PCDHGB1: variants seen among roughly 807,000 people sequenced by gnomAD.
PCDHGB1 encodes the protein protocadherin gamma-B1.
PCDHGB1 carries 34 observed loss-of-function variants against 56.6 expected under a neutral mutation model. The ratio of observed to expected loss-of-function variants is 0.60; its 90% CI spans 0.46 to 0.80. The LOEUF is 0.80. PCDHGB1 is among the 30% of genes least tolerant of loss of function. PCDHGB1 has a pLI of 0.00. For missense variants in PCDHGB1, 1,278 were observed against 1,204.6 expected (o/e 1.06, Z -0.90); for synonymous variants, 561 against 505.9 (o/e 1.11, Z -1.46).
Position 141,383,564 on chromosome 5 carries a change from G to A in PCDHGB1, c.2409+30895G>A, listed in dbSNP as rs767546411. On this transcript the variant is annotated intron_variant, in intron 1 of 3. Coordinates refer to ENST00000523390, the MANE Select transcript of PCDHGB1 (RefSeq NM_018922.3). ...GCCTCTGATGGCGGCGACCCGCCCC[G>A]ATCCAGCACCGCCCACATCCAGGTG... 6.2e-6 allele frequency: 10 copies of A among 1,612,926 alleles called. No homozygotes were observed. In the East Asian group the frequency reaches 6.7e-5, roughly 11 times the overall value.
chr5:141,491,616 C>T lies in PCDHGB1; in HGVS notation c.2410-3191C>T. 1 of 1,613,944 alleles carries T rather than the reference C, an allele frequency of 6.2e-7. No homozygotes were observed. Among genetic ancestry groups the T allele is most frequent in the South Asian group, 1.1e-5 (1 of 91,082 alleles). On this transcript the variant is annotated intron_variant, in intron 1 of 3. Coordinates refer to ENST00000523390, the MANE Select transcript of PCDHGB1 (RefSeq NM_018922.3). The surrounding 1 kb of genome is among the most constrained non-coding windows in gnomAD (Gnocchi z 6.9). ...GCAGTGACTTCACTTTTCTAAGACC[C>T]CTCAGCGTTCAGCAGCCCACAGCTC...
chr5:141,506,896 T>C (rs1417106112), intron 3 of PCDHGB1, among the ~76,000 whole-genome samples: 3 of 152,158 alleles, frequency 2.0e-5, no homozygotes, highest in African/African-American at 7.2e-5. Flanking sequence ...CAAGAAGCAC[T>C]GTCATCACAC....
At chr5:141,396,830 G>C (rs1014090361) in intron 1 of PCDHGB1, among the ~76,000 whole-genome samples, 1 of 152,198 alleles carries the variant, frequency 6.6e-6, no homozygotes, top group African/African-American at 2.4e-5. Flanking sequence ...TGCATATTCA[G>C]TGGAGTGGGA....
intron 1 of PCDHGB1, among the ~76,000 whole-genome samples, chr5:141,460,221 C>T (rs931609262): frequency 3.4e-4 from 51 of 151,918 alleles, no homozygotes; most frequent in African/African-American, 1.2e-3. Flanking sequence ...TTAGTTGTGT[C>T]TTTTGAAGAG....
chr5:141,482,562 C>A (rs1030078543), intron 1 of PCDHGB1, among the ~76,000 whole-genome samples: 68 of 142,616 alleles, frequency 4.8e-4, no homozygotes, highest in African/African-American at 1.8e-3. Flanking sequence ...TAATGGAGAT[C>A]TGCATAGCAT....
chr5:141,409,060 G>C (rs1464240645), intron 1 of PCDHGB1: 1 of 1,614,000 alleles, frequency 6.2e-7, no homozygotes, highest in Non-Finnish European at 8.5e-7. Flanking sequence ...GCACTGCCCA[G>C]AGCACAAAAC....
intron 2 of PCDHGB1, among the ~76,000 whole-genome samples, chr5:141,502,382 T>C (rs1668612742): frequency 1.3e-5 from 2 of 152,088 alleles, no homozygotes; most frequent in Non-Finnish European, 2.9e-5. Context: ...CCAGGCCAGT[T>C]GTACTTTAAA....
intron 1 of PCDHGB1, chr5:141,433,309 T>C: frequency 1.1e-6 from 1 of 901,134 alleles, no homozygotes; most frequent in Admixed American, 2.7e-5. Context: ...TTATCCCACC[T>C]TTGCCTCCGG....
chr5:141,361,128 C>T, intron 1 of PCDHGB1: 1 of 1,613,960 alleles, frequency 6.2e-7, no homozygotes, highest in African/African-American at 1.3e-5. Context: ...CAGCCCACTG[C>T]AGTATCCAAG....
rs769872504 is a variant in PCDHGB1, at chr5:141,394,062, A to G, written c.2409+41393A>G. 2.5e-6 allele frequency: 4 copies of G among 1,613,808 alleles called. No homozygotes were observed. The South Asian group carries it at 4.4e-5, about 18-fold the overall frequency. On this transcript the variant is annotated intron_variant, in intron 1 of 3. Coordinates refer to ENST00000523390, the MANE Select transcript of PCDHGB1 (RefSeq NM_018922.3). ...ATATTTGGACCGAGAAAATGTCTCT[A>G]TCTACAATATCACAGTGATGGCCTC... is the stretch of plus-strand genomic sequence containing the variant.
At chr5:141,458,820 C>T (rs2098954225) in intron 1 of PCDHGB1, among the ~76,000 whole-genome samples, 1 of 152,070 alleles carries the variant, frequency 6.6e-6, no homozygotes, top group African/African-American at 2.4e-5. Flanking sequence ...GCAACCTCTG[C>T]CTCCCAGGCT....
In PCDHGB1 at chr5:141,372,255, C is replaced by T. The variant is rs1309371884; in HGVS notation, c.2409+19586C>T. 3.7e-6 allele frequency: 6 copies of T among 1,613,018 alleles called. No individual in the cohort carries two copies. The East Asian group carries it at 1.1e-4, about 30-fold the overall frequency. On this transcript the variant is annotated intron_variant, in intron 1 of 3. Coordinates refer to ENST00000523390, the MANE Select transcript of PCDHGB1 (RefSeq NM_018922.3). ...CGAGCCCGGGCTGTTCAGCCTGGGCCTGCGCACGGGTGAGGTGCGCACGGC... is the reference window on the plus strand; with the variant it reads ...CGAGCCCGGGCTGTTCAGCCTGGGCTTGCGCACGGGTGAGGTGCGCACGGC...
intron 1 of PCDHGB1, chr5:141,384,835 G>T: frequency 1.2e-6 from 2 of 1,613,468 alleles, no homozygotes; most frequent in Middle Eastern, 1.7e-4. Flanking sequence ...CGTGGTGGCC[G>T]TCCAGGACCA....
intron 1 of PCDHGB1, chr5:141,366,223 C>A: frequency 1.1e-5 from 17 of 1,613,836 alleles, no homozygotes; most frequent in Non-Finnish European, 1.4e-5. Context: ...CAGCGCGAGC[C>A]CTGCTGGACA....
In PCDHGB1 at chr5:141,432,929, C is replaced by T. The variant is rs759937939; in HGVS notation, c.2410-61878C>T. On this transcript the variant is annotated intron_variant, in intron 1 of 3. Coordinates refer to ENST00000523390, the MANE Select transcript of PCDHGB1 (RefSeq NM_018922.3). This position sits in a 1 kb window ranked among gnomAD's most constrained non-coding sequence, Gnocchi z 6.0. ...GCTGCGGCGCTGGCACAAGTCACGCCTGCTGCAGGCTTCAGGAGGCGGCTT... is the reference window on the plus strand; with the variant it reads ...GCTGCGGCGCTGGCACAAGTCACGCTTGCTGCAGGCTTCAGGAGGCGGCTT... The T allele has an allele frequency of 6.2e-7, 1 of 1,614,078 alleles. No individual in the cohort carries two copies. Among genetic ancestry groups the T allele is most frequent in the African/African-American group, 1.3e-5 (1 of 74,948 alleles).
intron 1 of PCDHGB1, chr5:141,403,336 C>T (rs2094393288): frequency 1.9e-6 from 3 of 1,614,032 alleles, no homozygotes; most frequent in Non-Finnish European, 2.5e-6. Flanking sequence ...ATATTAACGA[C>T]AGCGCCCCAA....
At chr5:141,465,184 A>G (rs866520508) in intron 1 of PCDHGB1, among the ~76,000 whole-genome samples, 2 of 152,130 alleles carry the variant, frequency 1.3e-5, no homozygotes, top group Admixed American at 6.5e-5. Flanking sequence ...ATTTAATTAA[A>G]AGATAAAAAT....
chr5:141,472,928 G>A (rs926768431), intron 1 of PCDHGB1, among the ~76,000 whole-genome samples: 13 of 150,136 alleles, frequency 8.7e-5, no homozygotes, highest in Admixed American at 2.7e-4. Flanking sequence ...GGAGGTTGTG[G>A]TGAGCCAAGA....
chr5:141,375,812 C>G, intron 1 of PCDHGB1: 1 of 1,614,208 alleles, frequency 6.2e-7, no homozygotes, highest in Non-Finnish European at 8.5e-7. Flanking sequence ...TGGCGTGGAG[C>G]TGGCGCCCCG....
Sources: gnomAD v4.1 joint callset for allele counts (sites outside exome capture counted in the v4.1 genomes callset) on GRCh38, gnomAD v4.1.1 for gene constraint, Gnocchi (gnomAD v3.1) non-coding constraint, MANE v1.5 for transcripts, NCBI Gene and HGNC (gene_info 2026-07-23, HGNC 2026-07-21) for gene names.